RAP1A: variants seen among roughly 807,000 people sequenced by gnomAD.
RAP1A encodes the protein ras-related protein Rap-1A.
A neutral mutation model predicts 26.4 loss-of-function variants in RAP1A; 6 were observed. The observed-to-expected ratio is 0.23, with a 90% CI of 0.12 to 0.45. The LOEUF is 0.45. RAP1A is among the 20% of genes least tolerant of loss of function. The pLI, the probability that RAP1A is intolerant of heterozygous loss-of-function variation, is 0.99. For missense variants in RAP1A, 121 were observed against 217.2 expected, an observed-to-expected ratio of 0.56 and a Z score of 2.78; for synonymous variants, 73 against 79.4, an observed-to-expected ratio of 0.92 and a Z score of 0.43.
chr1:111,695,481 T>A, intron 3 of RAP1A, 72 bp downstream of exon 3: 1 of 1,151,270 alleles, frequency 8.7e-7, no homozygotes, highest in Non-Finnish European at 1.2e-6. Flanking sequence ...TCTGTAGATT[T>A]GCTTTTTGAA....
intron 1 of RAP1A, among the ~76,000 whole-genome samples, chr1:111,543,902 G>T (rs1656940352): frequency 6.6e-6 from 1 of 152,124 alleles, no homozygotes; most frequent in Non-Finnish European, 1.5e-5. Context: ...GACAATGATA[G>T]GCAAAGATGG....
intron 1 of RAP1A, 70 bp from the exon 2 acceptor site, chr1:111,691,264 G>A: frequency 9.5e-7 from 1 of 1,050,412 alleles, no homozygotes; most frequent in South Asian, 1.8e-5. Context: ...TCCTATGTTT[G>A]ATGCAGTAGT....
intron 1 of RAP1A, among the ~76,000 whole-genome samples, chr1:111,677,135 C>G (rs1157567791): frequency 1.3e-5 from 2 of 152,152 alleles, no homozygotes; most frequent in African/African-American, 4.8e-5. Flanking sequence ...GAATATTACT[C>G]TTTGTGTCTG....
intron 1 of RAP1A, among the ~76,000 whole-genome samples, chr1:111,681,209 T>C (rs919552677): frequency 6.6e-6 from 1 of 152,128 alleles, no homozygotes; most frequent in Non-Finnish European, 1.5e-5. Flanking sequence ...GATTGTGTCA[T>C]TGCACTCCAG....
intron 1 of RAP1A, among the ~76,000 whole-genome samples, chr1:111,601,585 GAAAC>G (rs1658672378): frequency 6.6e-6 from 1 of 152,156 alleles, no homozygotes; most frequent in Non-Finnish European, 1.5e-5. Flanking sequence ...TCCAAGTAGA[GAAAC>G]AAACACTCAG....
chr1:111,616,320 A>G (rs1236452624), upstream of RAP1A, among the ~76,000 whole-genome samples: 1 of 152,206 alleles, frequency 6.6e-6, no homozygotes, highest in Non-Finnish European at 1.5e-5. Flanking sequence ...CCTGAAGATT[A>G]TGAGTGGGCA....
intron 1 of RAP1A, among the ~76,000 whole-genome samples, chr1:111,611,107 A>G (rs1304595876): frequency 6.6e-6 from 1 of 152,230 alleles, no homozygotes. Flanking sequence ...AAGTCCTATT[A>G]CGACAAATCC....
At position 111,544,167 on chromosome 1, in the gene RAP1A, G is replaced by A. The variant is rs146149608; in HGVS notation, c.-28+1658G>A. Among the ~76,000 whole-genome samples the A allele has an allele frequency of 3.5e-3, 526 of 152,156 alleles. 1 individual carries two copies. Among genetic ancestry groups the A allele is most frequent in the African/African-American group, 0.012 (501 of 41,502 alleles). Reference sequence around the variant, plus strand: ...ATGCAATATTATTCTCTAAATTTACGCAGGCATAAAATCTAAAGTGGAGTC... The same window carrying A: ...ATGCAATATTATTCTCTAAATTTACACAGGCATAAAATCTAAAGTGGAGTC... On this transcript the variant is annotated intron_variant, in intron 1 of 7. Transcript: ENST00000356415.
intron 4 of RAP1A, among the ~76,000 whole-genome samples, chr1:111,699,675 G>A (rs920463511): frequency 6.7e-6 from 1 of 148,810 alleles, no homozygotes; most frequent in African/African-American, 2.5e-5. Flanking sequence ...TCACTATATT[G>A]TCCAAGCTGG....
intron 1 of RAP1A, among the ~76,000 whole-genome samples, chr1:111,565,047 A>G (rs10776733): frequency 0.58 from 88,358 of 151,936 alleles, 25,945 homozygotes; most frequent in East Asian, 0.73. Flanking sequence ...GGCAGATTTA[A>G]TAAGACACCT....
intron 1 of RAP1A, among the ~76,000 whole-genome samples, chr1:111,628,328 A>G (rs983144904): frequency 6.6e-6 from 1 of 152,236 alleles, no homozygotes; most frequent in Non-Finnish European, 1.5e-5. Context: ...AATGGTGGAC[A>G]TTCTTTGTGG....
intron 3 of RAP1A, among the ~76,000 whole-genome samples, chr1:111,696,191 A>G (rs1661823287): frequency 6.6e-6 from 1 of 152,230 alleles, no homozygotes. Flanking sequence ...AGTATTTTCT[A>G]TGTCAAATAT....
chr1:111,576,474 A>G (rs1658149429), intron 1 of RAP1A, among the ~76,000 whole-genome samples: 1 of 152,254 alleles, frequency 6.6e-6, no homozygotes, highest in Non-Finnish European at 1.5e-5. Flanking sequence ...CTGAAGGAAG[A>G]AAGGAAGACA....
At chr1:111,606,582 C>A (rs1658783965) in intron 1 of RAP1A, among the ~76,000 whole-genome samples, 1 of 152,146 alleles carries the variant, frequency 6.6e-6, no homozygotes, top group Non-Finnish European at 1.5e-5. Context: ...AGAGTGTGCC[C>A]AGCCGTGCTT....
chr1:111,599,782 C>A (rs1052914661), intron 1 of RAP1A: 1 of 152,078 alleles, frequency 6.6e-6, no homozygotes, highest in Non-Finnish European at 1.5e-5. Context: ...TTGTCCCCCC[C>A]AAGTCTCATG....
chr1:111,557,671 T>G (rs546049517), intron 1 of RAP1A, among the ~76,000 whole-genome samples: 1 of 152,080 alleles, frequency 6.6e-6, no homozygotes, highest in African/African-American at 2.4e-5. Flanking sequence ...TAGAATGATA[T>G]CAGAAAAAAG....
intron 1 of RAP1A, among the ~76,000 whole-genome samples, chr1:111,561,231 C>T (rs1408547434): frequency 6.6e-6 from 1 of 152,174 alleles, no homozygotes; most frequent in East Asian, 1.9e-4. Flanking sequence ...TTAGATGATC[C>T]TCCCACTTCA....
chr1:111,619,005 C>A (rs1659078605), upstream of RAP1A, among the ~76,000 whole-genome samples: 1 of 152,196 alleles, frequency 6.6e-6, no homozygotes, highest in Non-Finnish European at 1.5e-5. Flanking sequence ...TCGGCTCACC[C>A]TTCTCTCATG....
intron 1 of RAP1A, among the ~76,000 whole-genome samples, chr1:111,679,992 C>A (rs778922045): frequency 6.6e-6 from 1 of 152,194 alleles, no homozygotes; most frequent in Non-Finnish European, 1.5e-5. Flanking sequence ...TCCTGCCTGC[C>A]AGCTTTGAAG....
Sources: allele counts gnomAD v4.1 joint callset (sites outside exome capture counted in the v4.1 genomes callset), GRCh38; gene constraint gnomAD v4.1.1; transcripts MANE v1.5; gene names NCBI Gene and HGNC (gene_info 2026-07-23, HGNC 2026-07-21).